Variants in ABCG5 observed in about 807,000 individuals in gnomAD.
ABCG5 encodes ATP-binding cassette sub-family G member 5.
In ABCG5, 64 loss-of-function variants were observed where a neutral mutation model predicts 64.5. The ratio of observed to expected loss-of-function variants is 0.99; its 90% confidence interval spans 0.81 to 1.22. ABCG5 has a LOEUF of 1.22. Among genes scored for constraint, ABCG5 ranks in the 50% most tolerant of loss-of-function variants. The pLI is 0.00. For synonymous variants in ABCG5, 385 were observed against 326.3 expected (o/e 1.18, Z -1.94); for missense variants, 908 against 829.5 (o/e 1.09, Z -1.16).
At chr2:43,813,411 C>G in intron 12 of ABCG5, 102 bp from the exon 13 acceptor site, 1 of 828,014 alleles carries the variant, frequency 1.2e-6, no homozygotes, top group Non-Finnish European at 2.0e-6. Flanking sequence ...ATGAAAAATA[C>G]AGGACACTTT....
intron 2 of ABCG5, among the ~76,000 whole-genome samples, chr2:43,836,514 C>T (rs577243252): frequency 1.3e-5 from 2 of 152,304 alleles, no homozygotes; most frequent in East Asian, 3.9e-4. Context: ...AGATGGTAAT[C>T]CAGTGTAGCA....
At chr2:43,810,433 C>A (rs745634421), downstream of ABCG5, 4 of 985,100 alleles carry the variant, frequency 4.1e-6, no homozygotes, top group Middle Eastern at 5.2e-4. Flanking sequence ...TCATGTGTTG[C>A]GGATAACCAG....
intron 4 of ABCG5, among the ~76,000 whole-genome samples, chr2:43,829,097 C>G (rs1169524626): frequency 6.6e-6 from 1 of 152,202 alleles, no homozygotes; most frequent in African/African-American, 2.4e-5. Context: ...TTTGCAGGAG[C>G]CATAGTCACT....
Position 43,838,395 on chromosome 2 carries a change from C to A in ABCG5, c.143+142G>T. 2.5e-6 allele frequency: 2 copies of A among 785,918 alleles called. No homozygotes were observed. The highest frequency in any genetic ancestry group is 3.6e-5 in the South Asian group (2 of 55,700). The allele number at this position is 785,918 out of a possible 1,614,324, so 48.7% of individuals were successfully genotyped here. ...ATGTTTCCCAGCACAGCCCTTCTCC[C>A]TCTCCTCTCTCCACCCGATCCACTA... On this transcript the variant is annotated intron_variant, in intron 1 of 12. Transcript: ENST00000405322. The surrounding 1 kb of genome is among the most constrained non-coding windows in gnomAD (Gnocchi z 4.2).
chr2:43,810,768 T>C (rs985568369), downstream of ABCG5, among the ~76,000 whole-genome samples: 7 of 152,226 alleles, frequency 4.6e-5, no homozygotes, highest in African/African-American at 1.7e-4. Context: ...CCTCAGTCTT[T>C]AGCACACGTT....
At chr2:43,820,670 T>C (rs926820392) in intron 10 of ABCG5, among the ~76,000 whole-genome samples, 2 of 152,232 alleles carry the variant, frequency 1.3e-5, no homozygotes, top group Non-Finnish European at 2.9e-5. Context: ...GTTTTCTTTT[T>C]TGAGACGGAG....
At chr2:43,827,196 G>T (rs923379905) in intron 5 of ABCG5, among the ~76,000 whole-genome samples, 20 of 152,002 alleles carry the variant, frequency 1.3e-4, no homozygotes, top group African/African-American at 4.8e-4. Flanking sequence ...GTGGTGGCAG[G>T]CGCCTGTAAT....
At chr2:43,815,810 A>C (rs1050093314) in intron 11 of ABCG5, among the ~76,000 whole-genome samples, 6 of 151,634 alleles carry the variant, frequency 4.0e-5, no homozygotes, top group African/African-American at 1.5e-4. Flanking sequence ...TTGAATGACC[A>C]TGAATGAGAC....
At chr2:43,834,612 G>C (rs1010878969) in intron 2 of ABCG5, among the ~76,000 whole-genome samples, 7 of 152,212 alleles carry the variant, frequency 4.6e-5, no homozygotes, top group Non-Finnish European at 1.5e-5. Context: ...TTCAAAAGAG[G>C]ATATGAGAGG....
At chr2:43,839,113 C>T (rs1558785382), upstream of ABCG5, 3 of 1,551,238 alleles carry the variant, frequency 1.9e-6, no homozygotes, top group Middle Eastern at 1.7e-4. Context: ...CCCAGGATAC[C>T]TCGGTGAGTG....
At chr2:43,807,250 C>G in the ABCG5 span, among the ~76,000 whole-genome samples, 5 of 152,116 alleles carry the variant, frequency 3.3e-5, no homozygotes, top group Non-Finnish European at 5.9e-5. Flanking sequence ...TTCCTGCAGA[C>G]TTAGGGTCTT....
chr2:43,829,269 T>G (rs1265214953), intron 4 of ABCG5, among the ~76,000 whole-genome samples: 2 of 152,230 alleles, frequency 1.3e-5, no homozygotes, highest in African/African-American at 4.8e-5. Flanking sequence ...CCCAAATAAG[T>G]GCTGGGGTCC....
In ABCG5 at chr2:43,824,903, G is replaced by A. The variant is rs949163056; in HGVS notation, c.890C>T (p.Pro297Leu). 1 of 1,614,016 alleles carries A rather than the reference G, an allele frequency of 6.2e-7. No individual in the cohort carries two copies. Among genetic ancestry groups the A allele is most frequent in the African/African-American group, 1.3e-5 (1 of 75,052 alleles). The change falls in exon 7 of 13, where the codon CCT (proline) becomes CTT (leucine). Residue 297 changes from proline (P) to leucine (L), a missense_variant. Pro to Leu is a moderately conservative substitution (Grantham distance 98). Coordinates refer to ENST00000405322, the MANE Select transcript of ABCG5 (RefSeq NM_022436.3). The stretch of plus-strand genomic sequence containing the variant: ...GAAAAACTTACTATAGAAGTCAAAA[G>A]GGTTTGAATGTTCAGGACAAGGGTA... ...CGYPCPEHSN[P>L]FDFYMDLTSV... is the part of the protein sequence containing the mutation.
chr2:43,818,241 C>T (rs1006220370), intron 11 of ABCG5, among the ~76,000 whole-genome samples: 4 of 152,030 alleles, frequency 2.6e-5, no homozygotes, highest in African/African-American at 7.2e-5. Context: ...CACTTGAGGT[C>T]GAGACTAGCC....
chr2:43,807,050 C>T, the ABCG5 span, among the ~76,000 whole-genome samples: 1 of 152,064 alleles, frequency 6.6e-6, no homozygotes, highest in African/African-American at 2.4e-5. Flanking sequence ...TAACAATTAC[C>T]AGTGTTGTTG....
downstream of ABCG5, among the ~76,000 whole-genome samples, chr2:43,811,871 G>T (rs574130711): frequency 2.6e-5 from 4 of 152,168 alleles, no homozygotes; most frequent in African/African-American, 9.7e-5. Context: ...TGGGATTACA[G>T]GCATGAGCCA....
intron 10 of ABCG5, among the ~76,000 whole-genome samples, chr2:43,822,030 T>C (rs1228782476): frequency 6.6e-6 from 1 of 152,290 alleles, no homozygotes; most frequent in Non-Finnish European, 1.5e-5. Context: ...TCATCTACTC[T>C]CAATCTGATG....
Position 43,812,934 on chromosome 2 carries a change from A to G in ABCG5, c.*182T>C. 1.6e-6 allele frequency: 1 copy of G among 612,930 alleles called. No homozygotes were observed. The highest frequency in any genetic ancestry group is 2.9e-6 in the Non-Finnish European group (1 of 342,332). 38.0% of individuals were successfully genotyped at this position (612,930 alleles called of 1,614,324 possible). A position where few individuals can be genotyped will look rare whatever the true frequency, so the allele number is the denominator to read the frequency against. On this transcript the variant is annotated 3_prime_UTR_variant, in exon 13 of 13. Transcript: ENST00000405322. ...CTGCAAGTTGTAAGAGCAAGGGACT[A>G]TAAACCACTTCCATTGCATTCAAGG...
intron 7 of ABCG5, 186 bp from the exon 8 acceptor site, chr2:43,824,618 G>T: frequency 1.0e-6 from 1 of 985,418 alleles, no homozygotes; most frequent in Non-Finnish European, 1.2e-6. Context: ...GGATCCCATT[G>T]GGATTGTCTG....
Sources: allele counts gnomAD v4.1 joint callset (sites outside exome capture counted in the v4.1 genomes callset), GRCh38; gene constraint gnomAD v4.1.1; non-coding constraint Gnocchi (gnomAD v3.1); transcripts MANE v1.5; gene names NCBI Gene and HGNC (gene_info 2026-07-23, HGNC 2026-07-21).